The following TRIM49B variants were observed in gnomAD, a reference collection of about 807,000 sequenced individuals.
TRIM49B encodes tripartite motif containing 49B, also known as putative tripartite motif-containing protein 49B.
In TRIM49B, 18 loss-of-function variants were observed where a neutral mutation model predicts 31.8. The observed-to-expected ratio is 0.57, with a 90% CI of 0.39 to 0.84. The LOEUF is 0.84. Among genes scored for constraint, TRIM49B ranks in the 40% least tolerant of loss-of-function variants. The pLI is 0.00. For missense variants in TRIM49B, 494 were observed against 538.7 expected (o/e 0.92, Z 0.82); for synonymous variants, 196 against 180.6 (o/e 1.09, Z -0.68).
Position 49,032,025 on chromosome 11 carries a change from T to C in TRIM49B, c.411+15T>C. 4 of 1,611,972 alleles carry C rather than the reference T, an allele frequency of 2.5e-6. No homozygotes were observed. Among genetic ancestry groups the C allele is most frequent in the Non-Finnish European group, 3.4e-6 (4 of 1,179,842 alleles). Reference sequence around the variant, plus strand: ...AGGAACACCAGGTAAGTGATGGCTCTGAAGATCGATTTCTGTAAAGGATAC... The same window carrying C: ...AGGAACACCAGGTAAGTGATGGCTCCGAAGATCGATTTCTGTAAAGGATAC... On this transcript the variant is annotated intron_variant, in intron 2 of 6. Transcript: ENST00000332682.
chr11:49,030,182 C>T (rs1297378292), intron 1 of TRIM49B, among the ~76,000 whole-genome samples: 2 of 151,858 alleles, frequency 1.3e-5, no homozygotes, highest in Non-Finnish European at 2.9e-5. Flanking sequence ...AAAAAAAATA[C>T]AAAAATTAGC....
rs1854455369 is a variant in TRIM49B, at chr11:49,031,944, C to T, written c.345C>T (p.Cys115=). The T allele has an allele frequency of 6.2e-7, 1 of 1,612,054 alleles. No individual in the cohort carries two copies. Reference sequence around the variant, plus strand: ...ACAGGAGCCTGCTCTGTTTGCTGTGCTCCAGCTCTCAGGAGCACCGGGATC... The same window carrying T: ...ACAGGAGCCTGCTCTGTTTGCTGTGTTCCAGCTCTCAGGAGCACCGGGATC... ...EVDRSLLCLL[C]SSSQEHRDHR... Residue 115 remains cysteine, a synonymous_variant, in exon 2 of 7, where the codon TGC becomes TGT. Coordinates refer to ENST00000332682, the MANE Select transcript of TRIM49B (RefSeq NM_001206626.2).
intron 3 of TRIM49B, among the ~76,000 whole-genome samples, chr11:49,033,868 C>A (rs554439117): frequency 1.3e-5 from 2 of 152,154 alleles, no homozygotes; most frequent in African/African-American, 4.8e-5. Flanking sequence ...CTTACTTTTC[C>A]ATAAATATGG....
At chr11:49,036,699 G>C (rs1204707066) in intron 6 of TRIM49B, among the ~76,000 whole-genome samples, 2 of 152,096 alleles carry the variant, frequency 1.3e-5, no homozygotes, top group Admixed American at 1.3e-4. Flanking sequence ...TCAGAATGGT[G>C]AATTATTTAA....
At position 49,032,317 on chromosome 11, in the gene TRIM49B, T is replaced by C. The variant is rs1324028903; in HGVS notation, c.453T>C (p.Ala151=). The change falls in exon 3 of 7, where the codon GCT becomes GCC. Residue 151 remains alanine (A), a synonymous_variant. Coordinates refer to ENST00000332682, the MANE Select transcript of TRIM49B (RefSeq NM_001206626.2). ...AAATGCAGTCTTTGTGGGAAAAAGC[T>C]TGTGAAAATCACAGAAACCTGAATG... The part of the protein sequence containing the change: ...LQKMQSLWEK[A]CENHRNLNVE... 1.9e-6 allele frequency: 3 copies of C among 1,613,310 alleles called. No individual in the cohort carries two copies. Among genetic ancestry groups the C allele is most frequent in the Middle Eastern group, 1.7e-4 (1 of 5,902 alleles).
rs544896049 is a variant in TRIM49B at position 49,037,575 on chromosome 11, C to T, written c.957C>T (p.Pro319=). ...TTGGATGTGACCATCAAGATGTACC[C>T]TATTTCACTGCAACACCTAGAAGTT... ...MCIGCDHQDV[P]YFTATPRSFL... is the part of the protein sequence containing the mutation. Residue 319 remains proline, a synonymous_variant, in exon 7 of 7, where the codon CCC becomes CCT. Transcript: ENST00000332682. 26 of 1,614,138 alleles carry T rather than the reference C, an allele frequency of 1.6e-5. No individual in the cohort carries two copies. The African/African-American group carries it at 3.3e-4, about 21-fold the overall frequency.
chr11:49,035,187 A>C (rs1854506811), intron 5 of TRIM49B, 70 bp downstream of exon 5: 2 of 1,599,520 alleles, frequency 1.3e-6, no homozygotes, highest in Admixed American at 1.8e-5. Flanking sequence ...GCTTTATTAA[A>C]GTCATGGCAT....
At position 49,031,732 on chromosome 11, in the gene TRIM49B, G is replaced by A; in HGVS notation, c.133G>A (p.Asp45Asn). 6.2e-7 allele frequency: 1 copy of A among 1,613,972 alleles called. No homozygotes were observed. Among genetic ancestry groups the A allele is most frequent in the Non-Finnish European group, 8.5e-7 (1 of 1,179,866 alleles). The change falls in exon 2 of 7, where the codon GAC (aspartate) becomes AAC (asparagine). Residue 45 changes from aspartate (D) to asparagine (N), a missense_variant. This residue lies in a region of TRIM49B where 251 missense variants were observed against 232.8 expected (regional missense o/e 1.08). Transcript: ENST00000332682. Reference sequence around the variant, plus strand: ...GCCTTGTTTCTACCTCAACTGGAAAGACAGCCCATTTCTTGTCCAGTGCTC... The same window carrying A: ...GCCTTGTTTCTACCTCAACTGGAAAAACAGCCCATTTCTTGTCCAGTGCTC... Reference protein sequence around the residue: ...CRPCFYLNWKDSPFLVQCSEC... With the variant: ...CRPCFYLNWKNSPFLVQCSEC...
rs572589885 is a variant in TRIM49B at position 49,031,964 on chromosome 11, G to A, written c.365G>A (p.Arg122Gln). The change falls in exon 2 of 7, where the codon CGG (arginine) becomes CAG (glutamine). Residue 122 changes from arginine (R) to glutamine (Q), a missense_variant. Coordinates refer to ENST00000332682, the MANE Select transcript of TRIM49B (RefSeq NM_001206626.2). Reference protein sequence around the residue: ...CLLCSSSQEHRDHRHCPIESA... With the variant: ...CLLCSSSQEHQDHRHCPIESA... ...CTGTGCTCCAGCTCTCAGGAGCACC[G>A]GGATCACAGACACTGTCCCATTGAG... 7.6e-5 allele frequency: 122 copies of A among 1,611,996 alleles called. No individual in the cohort carries two copies. The East Asian group carries it at 1.3e-3, about 17-fold the overall frequency.
chr11:49,031,641 C>T lies in TRIM49B; in HGVS notation c.42C>T (p.Ile14=), dbSNP rs775412076. 5 of 1,613,980 alleles carry T rather than the reference C, an allele frequency of 3.1e-6. No individual in the cohort carries two copies. Among genetic ancestry groups the T allele is most frequent in the South Asian group, 1.1e-5 (1 of 91,072 alleles). The part of the protein sequence containing the change: ...GILQVFQREL[I]CPICMNYFID... The stretch of plus-strand genomic sequence containing the variant: ...TACAGGTCTTTCAGAGGGAACTCAT[C>T]TGCCCCATCTGCATGAACTACTTCA... The change falls in exon 2 of 7, where the codon ATC becomes ATT. Residue 14 remains isoleucine (I), a synonymous_variant. Transcript: ENST00000332682.
chr11:49,032,227 C>T (rs1052356398), intron 2 of TRIM49B, 49 bp from the exon 3 acceptor site: 1 of 1,590,142 alleles, frequency 6.3e-7, no homozygotes, highest in Non-Finnish European at 8.6e-7. Flanking sequence ...TGGGGCCCCT[C>T]CCTATGTCAT....
chr11:49,031,790 T>C lies in TRIM49B; in HGVS notation c.191T>C (p.Leu64Pro), dbSNP rs1160429872. Residue 64 changes from leucine (L) to proline (P), a missense_variant, in exon 2 of 7, where the codon CTC becomes CCC. Physicochemically the swap from Leu to Pro is moderately conservative, Grantham distance 98 (BLOSUM62 -3). Coordinates refer to ENST00000332682, the MANE Select transcript of TRIM49B (RefSeq NM_001206626.2). ...ACAAAGTCAACAGGGCAGATAAACC[T>C]CAAAACCAACATTCATTTCAAGAAG... ...ECTKSTGQIN[L>P]KTNIHFKKMA... 1 of 1,613,990 alleles carries C rather than the reference T, an allele frequency of 6.2e-7. No homozygotes were observed. Among genetic ancestry groups the C allele is most frequent in the Non-Finnish European group, 8.5e-7 (1 of 1,179,878 alleles).
At chr11:49,032,170 G>C in intron 2 of TRIM49B, 106 bp from the exon 3 acceptor site, 2 of 1,602,810 alleles carry the variant, frequency 1.2e-6, no homozygotes, top group East Asian at 2.2e-5. Context: ...AACATGAAGG[G>C]AAACAAAGGA....
intron 6 of TRIM49B, among the ~76,000 whole-genome samples, chr11:49,036,811 T>C (rs1035978857): frequency 6.6e-6 from 1 of 152,208 alleles, no homozygotes; most frequent in Non-Finnish European, 1.5e-5. Context: ...GGGGGTTTTG[T>C]ATTTTTTTAA....
At chr11:49,035,961 C>T (rs1854523934) in intron 5 of TRIM49B, among the ~76,000 whole-genome samples, 1 of 145,794 alleles carries the variant, frequency 6.9e-6, no homozygotes, top group Non-Finnish European at 1.5e-5. Flanking sequence ...CATCAGTCTC[C>T]CCAGAACCCC....
In TRIM49B at chr11:49,034,231, T is replaced by C. The variant is rs764424098; in HGVS notation, c.593T>C (p.Leu198Ser). The stretch of plus-strand genomic sequence containing the variant: ...CACCATGAAGAAGAAAAACATAATT[T>C]GGAGATGCTGAAAAAGAAGGGGAAA... Reference protein sequence around the residue: ...AFHHEEEKHNLEMLKKKGKDI... With the variant: ...AFHHEEEKHNSEMLKKKGKDI... Residue 198 changes from leucine (L) to serine (S), a missense_variant, in exon 4 of 7, where the codon TTG becomes TCG. Leu to Ser is a moderately radical substitution (Grantham distance 145). This residue lies in a region of TRIM49B where 251 missense variants were observed against 232.8 expected (regional missense o/e 1.08). Coordinates refer to ENST00000332682, the MANE Select transcript of TRIM49B (RefSeq NM_001206626.2). 141 of 1,611,860 alleles carry C rather than the reference T, an allele frequency of 8.7e-5. 1 individual carries two copies. In the Admixed American group the frequency reaches 2.3e-3, roughly 26 times the overall value.
In TRIM49B at chr11:49,028,865, T is replaced by G. The variant is rs575702054; in HGVS notation, c.-115T>G. ...AAGGACTGCACTTAGAACTGCATTT[T>G]GGTGACCTCTGAAATTCAGTACGGC... On this transcript the variant is annotated 5_prime_UTR_variant, in exon 1 of 7. Transcript: ENST00000332682. The G allele has an allele frequency of 6.3e-6, 1 of 159,408 alleles. No individual in the cohort carries two copies. Among genetic ancestry groups the G allele is most frequent in the African/African-American group, 2.4e-5 (1 of 41,472 alleles). The allele number at this position is 159,408 out of a possible 1,614,324, so 9.9% of individuals were successfully genotyped here. A position where few individuals can be genotyped will look rare whatever the true frequency, so the allele number is the denominator to read the frequency against.
At chr11:49,037,418 G>C in intron 6 of TRIM49B, 60 bp from the exon 7 acceptor site, 1 of 1,523,392 alleles carries the variant, frequency 6.6e-7, no homozygotes, top group South Asian at 1.3e-5. Flanking sequence ...GTAACTTCTT[G>C]ATAGACAATT....
At chr11:49,035,310 G>C (rs1188838293) in intron 5 of TRIM49B, among the ~76,000 whole-genome samples, 193 bp downstream of exon 5, 1 of 136,726 alleles carries the variant, frequency 7.3e-6, no homozygotes, top group East Asian at 2.4e-4. Context: ...TAAAAGAAGA[G>C]TGAACTAAAA....
Sources: allele counts gnomAD v4.1 joint callset (sites outside exome capture counted in the v4.1 genomes callset), GRCh38; gene constraint gnomAD v4.1.1; regional missense constraint gnomAD v4.1.1; transcripts MANE v1.5; gene names NCBI Gene and HGNC (gene_info 2026-07-23, HGNC 2026-07-21).